GRIK2: variants seen among roughly 807,000 people sequenced by gnomAD.
GRIK2 encodes the protein glutamate receptor ionotropic, kainate 2.
In GRIK2, 32 loss-of-function variants were observed where a neutral mutation model predicts 100.3. The ratio of observed to expected loss-of-function variants is 0.32; its 90% CI spans 0.24 to 0.43. The LOEUF (loss-of-function observed/expected upper bound fraction) is 0.43. Among genes scored for constraint, GRIK2 ranks in the 20% least tolerant of loss-of-function variants. The pLI, the probability that GRIK2 is intolerant of heterozygous loss-of-function variation, is 1.00. For synonymous variants in GRIK2, 417 were observed against 389.4 expected (o/e 1.07, Z -0.83); for missense variants, 843 against 1,114.9 (o/e 0.76, Z 3.47).
At chr6:101,577,541 T>G (rs1777847832) in intron 2 of GRIK2, among the ~76,000 whole-genome samples, 1 of 152,080 alleles carries the variant, frequency 6.6e-6, no homozygotes, top group African/African-American at 2.4e-5. Context: ...ATCCAAATAT[T>G]AAAGTTTTAA....
chr6:101,627,736 T>C (rs928914333), intron 4 of GRIK2, among the ~76,000 whole-genome samples: 35 of 151,718 alleles, frequency 2.3e-4, no homozygotes, highest in Non-Finnish European at 4.7e-4. Flanking sequence ...GAAAATAGAA[T>C]TTACTAAATG....
At chr6:101,824,850 C>T (rs1336160702) in intron 10 of GRIK2, among the ~76,000 whole-genome samples, 1 of 151,780 alleles carries the variant, frequency 6.6e-6, no homozygotes, top group African/African-American at 2.4e-5. Context: ...CCCACAGATA[C>T]GGAAGGCTTA....
chr6:101,877,965 C>G (rs1785972674), intron 11 of GRIK2, among the ~76,000 whole-genome samples: 1 of 151,340 alleles, frequency 6.6e-6, no homozygotes, highest in Non-Finnish European at 1.5e-5. Context: ...GTTATGTTCT[C>G]TGAGCCTCAC....
chr6:101,501,410 A>T (rs1773739923), intron 2 of GRIK2, among the ~76,000 whole-genome samples: 1 of 152,164 alleles, frequency 6.6e-6, no homozygotes, highest in Non-Finnish European at 1.5e-5. Context: ...TATAGTAAAC[A>T]TTTTTTTGTC....
chr6:101,398,651 C>G (rs540436533), intron 1 of GRIK2: 1 of 179,224 alleles, frequency 5.6e-6, no homozygotes, highest in East Asian at 1.5e-4. Context: ...CAGTCATTCT[C>G]TCAGCAAATA....
At chr6:101,891,387 T>C (rs184242572) in intron 12 of GRIK2, among the ~76,000 whole-genome samples, 5 of 151,374 alleles carry the variant, frequency 3.3e-5, no homozygotes, top group Admixed American at 6.6e-5. Context: ...CGTGGTGGTG[T>C]GCACCTGTAG....
chr6:101,488,442 T>C (rs1213309348), intron 2 of GRIK2, among the ~76,000 whole-genome samples: 1 of 147,068 alleles, frequency 6.8e-6, no homozygotes, highest in Non-Finnish European at 1.5e-5. Context: ...ATAATTATAA[T>C]GTAAACTTGT....
chr6:101,866,834 A>G (rs934679229), intron 11 of GRIK2, among the ~76,000 whole-genome samples: 4 of 150,922 alleles, frequency 2.7e-5, no homozygotes, highest in Non-Finnish European at 5.9e-5. Context: ...ATAGTAATTT[A>G]TTATATTTTC....
chr6:101,986,544 A>G (rs1794026327), intron 14 of GRIK2, among the ~76,000 whole-genome samples: 1 of 151,922 alleles, frequency 6.6e-6, no homozygotes, highest in African/African-American at 2.4e-5. Flanking sequence ...TTTAAATGAT[A>G]CCATAATGAA....
chr6:101,784,743 C>G lies in GRIK2; in HGVS notation c.952-14905C>G, dbSNP rs577838626. 4.4e-4 allele frequency among the ~76,000 whole-genome samples: 67 copies of G among 152,270 alleles called. 1 individual carries two copies. Among genetic ancestry groups the G allele is most frequent in the African/African-American group, 1.6e-3 (65 of 41,560 alleles). ...TTCCCTGCTATCCCTCTCTCTCTCT[C>G]CTGCTACCATGTAAGACATACCTTT... On this transcript the variant is annotated intron_variant, in intron 7 of 16. Transcript: ENST00000369134.
chr6:102,068,646 G>C lies in GRIK2; in HGVS notation c.*135G>C. ...CATGCCGCTGTGTCTATGAACTAGA[G>C]ACTCTGTGATCTAAGCAGTTGCAAT... is the stretch of plus-strand genomic sequence containing the variant. On this transcript the variant is annotated 3_prime_UTR_variant, in exon 17 of 17. Coordinates refer to ENST00000369134, the MANE Select transcript of GRIK2 (RefSeq NM_021956.5). The C allele has an allele frequency of 2.9e-6, 2 of 698,252 alleles. No individual in the cohort carries two copies. The highest frequency in any genetic ancestry group is 4.8e-6 in the Non-Finnish European group (2 of 419,694). The allele number at this position is 698,252 out of a possible 1,614,324, so 43.3% of individuals were successfully genotyped here.
chr6:101,884,903 T>C (rs1554280145), intron 11 of GRIK2, among the ~76,000 whole-genome samples: 1 of 152,018 alleles, frequency 6.6e-6, no homozygotes, highest in Non-Finnish European at 1.5e-5. Flanking sequence ...TTTGGAAGAG[T>C]TTCACATAGA....
chr6:101,946,836 C>T (rs1469846167), intron 14 of GRIK2, among the ~76,000 whole-genome samples: 1 of 152,034 alleles, frequency 6.6e-6, no homozygotes, highest in Admixed American at 6.6e-5. Flanking sequence ...CAATGGAAAA[C>T]AAACTTTTTG....
At chr6:101,640,091 A>G (rs930131239) in intron 4 of GRIK2, among the ~76,000 whole-genome samples, 2 of 152,202 alleles carry the variant, frequency 1.3e-5, no homozygotes, top group Admixed American at 6.5e-5. Flanking sequence ...TGTGTAACAT[A>G]TCTTACAGTT....
chr6:101,825,525 T>C (rs987512681), intron 10 of GRIK2, among the ~76,000 whole-genome samples: 1 of 152,054 alleles, frequency 6.6e-6, no homozygotes. Flanking sequence ...CAGAACCTCA[T>C]TTTTTACTTC....
At chr6:101,470,417 A>G (rs1223601530) in intron 2 of GRIK2, among the ~76,000 whole-genome samples, 1 of 152,102 alleles carries the variant, frequency 6.6e-6, no homozygotes, top group Non-Finnish European at 1.5e-5. Flanking sequence ...TCTCTTTCCA[A>G]TTTCTTTGCT....
intron 7 of GRIK2, among the ~76,000 whole-genome samples, chr6:101,723,110 A>C (rs1774605239): frequency 6.6e-6 from 1 of 152,072 alleles, no homozygotes; most frequent in South Asian, 2.1e-4. Flanking sequence ...AAAAGAATTC[A>C]AAGCATATGC....
chr6:102,054,795 T>C (rs1771386090), intron 15 of GRIK2, among the ~76,000 whole-genome samples: 1 of 152,168 alleles, frequency 6.6e-6, no homozygotes, highest in Admixed American at 6.6e-5. Context: ...CTGTGACTTC[T>C]GTTATGCACA....
At chr6:101,547,715 A>G (rs1308858986) in intron 2 of GRIK2, among the ~76,000 whole-genome samples, 2 of 151,910 alleles carry the variant, frequency 1.3e-5, no homozygotes, top group South Asian at 2.1e-4. Flanking sequence ...AATCCAGTCT[A>G]TCATTGTTGG....
Sources: gnomAD v4.1 joint callset for allele counts (sites outside exome capture counted in the v4.1 genomes callset) on GRCh38, gnomAD v4.1.1 for gene constraint, MANE v1.5 for transcripts, NCBI Gene and HGNC (gene_info 2026-07-23, HGNC 2026-07-21) for gene names.